Variants in LY96 observed in about 807,000 individuals in gnomAD.
LY96 encodes myeloid differentiation protein-2.
LY96 carries 18 observed loss-of-function variants against 18.9 expected under a neutral mutation model. That is an observed-to-expected ratio of 0.95 (90% CI 0.66 to 1.41). The LOEUF (loss-of-function observed/expected upper bound fraction) is 1.41. LY96 is among the 40% of genes most tolerant of loss of function. The probability of loss-of-function intolerance (pLI) is 0.00; values close to 1 mark genes in which losing one functional copy is unlikely to be tolerated. For synonymous variants in LY96, 66 were observed against 62.6 expected (o/e 1.06, Z -0.26); for missense variants, 175 against 182.4 (o/e 0.96, Z 0.23).
chr8:74,001,792 T>G (rs1816275546), intron 1 of LY96, among the ~76,000 whole-genome samples: 1 of 152,098 alleles, frequency 6.6e-6, no homozygotes, highest in Non-Finnish European at 1.5e-5. Context: ...GAGCTATGAT[T>G]GCATCACTGC....
chr8:74,059,031 T>C, the LY96 span, among the ~76,000 whole-genome samples: 1 of 152,148 alleles, frequency 6.6e-6, no homozygotes, highest in Non-Finnish European at 1.5e-5. Flanking sequence ...CTTGTTCTAT[T>C]TAGGCCTTCC....
At chr8:74,018,426 G>A (rs978066901) in intron 3 of LY96, among the ~76,000 whole-genome samples, 4 of 152,102 alleles carry the variant, frequency 2.6e-5, no homozygotes, top group African/African-American at 9.7e-5. Flanking sequence ...CATAAAGCAA[G>A]TCCTTAGAGA....
chr8:74,073,621 G>A, the LY96 span, among the ~76,000 whole-genome samples: 1 of 150,258 alleles, frequency 6.7e-6, no homozygotes, highest in African/African-American at 2.5e-5. Flanking sequence ...TTGATTAGGG[G>A]TAAAAAAAGA....
At chr8:74,066,842 G>T in the LY96 span, among the ~76,000 whole-genome samples, 1 of 152,210 alleles carries the variant, frequency 6.6e-6, no homozygotes, top group Non-Finnish European at 1.5e-5. Context: ...TTTATCCAAA[G>T]ATTTATTTGG....
the LY96 span, among the ~76,000 whole-genome samples, chr8:74,081,142 CTTCTTTCT>C: frequency 8.9e-5 from 11 of 123,820 alleles, no homozygotes; most frequent in South Asian, 1.3e-3. Flanking sequence ...TCCTTCCTTC[CTTCTTTCT>C]TTCTTTCTTT....
At chr8:74,022,479 G>C (rs149605245) in intron 3 of LY96, among the ~76,000 whole-genome samples, 1,640 of 151,486 alleles carry the variant, frequency 0.011, 36 homozygotes, top group African/African-American at 0.038. Context: ...AAAAAAAAAG[G>C]GTTCTATCCA....
intron 3 of LY96, 30 bp downstream of exon 3, chr8:74,010,159 ATAGGAAATAATTCTT>A: frequency 6.3e-7 from 1 of 1,577,082 alleles, no homozygotes; most frequent in Non-Finnish European, 8.7e-7. Flanking sequence ...TACTTTTAGA[ATAGGAAATAATTCTT>A]TATGAAAATG....
At chr8:74,087,354 G>A in the LY96 span, among the ~76,000 whole-genome samples, 1 of 152,170 alleles carries the variant, frequency 6.6e-6, no homozygotes, top group Admixed American at 6.5e-5. Context: ...CAAGTGCCCA[G>A]TTGTATTTTA....
At chr8:74,084,429 T>C in the LY96 span, among the ~76,000 whole-genome samples, 1 of 152,242 alleles carries the variant, frequency 6.6e-6, no homozygotes, top group African/African-American at 2.4e-5. Context: ...TTTGTAACTC[T>C]GAAGTGCAGT....
chr8:74,034,892 C>T, the LY96 span, among the ~76,000 whole-genome samples: 1 of 152,088 alleles, frequency 6.6e-6, no homozygotes, highest in Non-Finnish European at 1.5e-5. Flanking sequence ...TACAAAGATG[C>T]CTAAACAGCC....
chr8:74,081,642 C>T, the LY96 span, among the ~76,000 whole-genome samples: 2 of 151,892 alleles, frequency 1.3e-5, no homozygotes, highest in South Asian at 2.1e-4. Context: ...AATTTTCCCA[C>T]CTCGGCTGGT....
the LY96 span, among the ~76,000 whole-genome samples, chr8:74,078,963 G>T: frequency 6.6e-6 from 1 of 152,118 alleles, no homozygotes. Context: ...CTAATTTGAT[G>T]TGTTAACTTG....
chr8:74,046,861 G>T, the LY96 span, among the ~76,000 whole-genome samples: 1 of 151,174 alleles, frequency 6.6e-6, no homozygotes, highest in East Asian at 1.9e-4. Flanking sequence ...CTTTTTGGGG[G>T]AGGTGAACAT....
At chr8:74,051,150 A>G in the LY96 span, among the ~76,000 whole-genome samples, 1 of 152,232 alleles carries the variant, frequency 6.6e-6, no homozygotes, top group Non-Finnish European at 1.5e-5. Context: ...TATAAGATTC[A>G]TTTATAATTC....
chr8:74,080,168 G>C, the LY96 span, among the ~76,000 whole-genome samples: 1 of 152,198 alleles, frequency 6.6e-6, no homozygotes, highest in Non-Finnish European at 1.5e-5. Context: ...CTGGAAGGCA[G>C]CTGAGGCTTC....
At chr8:74,031,820 G>A (rs1422481498), downstream of LY96, among the ~76,000 whole-genome samples, 2 of 150,242 alleles carry the variant, frequency 1.3e-5, no homozygotes, top group Non-Finnish European at 2.9e-5. Context: ...GCAAAATGAA[G>A]CAACCATTAA....
the LY96 span, among the ~76,000 whole-genome samples, chr8:74,088,083 A>AAGAATAGAATAGAAT: frequency 0.14 from 16,439 of 120,244 alleles, 1,359 homozygotes; most frequent in Non-Finnish European, 0.14. Context: ...TCACTGAGAG[A>AAGAATAGAATAGAAT]AGAATAGAAT....
At chr8:74,041,069 G>A in the LY96 span, among the ~76,000 whole-genome samples, 1,061 of 152,246 alleles carry the variant, frequency 7.0e-3, 10 homozygotes, top group African/African-American at 0.024. Context: ...AGCTGGAGCC[G>A]CGGCAGAGGA....
intron 1 of LY96, 92 bp downstream of exon 1, chr8:73,991,646 C>CTGATGTTTCGT: frequency 1.3e-6 from 1 of 794,158 alleles, no homozygotes; most frequent in Non-Finnish European, 2.2e-6. Flanking sequence ...CTGGAACACA[C>CTGATGTTTCGT]GAAACATCAG....
Sources: allele counts gnomAD v4.1 joint callset (sites outside exome capture counted in the v4.1 genomes callset), GRCh38; gene constraint gnomAD v4.1.1; transcripts MANE v1.5; gene names NCBI Gene and HGNC (gene_info 2026-07-23, HGNC 2026-07-21).